CCNC: variants seen among roughly 807,000 people sequenced by gnomAD.
CCNC encodes cyclin-C.
Under a neutral mutation model 50.0 loss-of-function variants are expected in CCNC, and 19 were observed. That is an observed-to-expected ratio of 0.38 (90% CI 0.27 to 0.56). The LOEUF is 0.56. Ranked by LOEUF, CCNC falls within the 20% of genes least tolerant of loss-of-function variation. The pLI is 0.72. For missense variants in CCNC, 200 were observed against 327.1 expected (o/e 0.61, Z 3.00); for synonymous variants, 93 against 103.7 (o/e 0.90, Z 0.63).
chr6:99,545,583 C>A (rs1002599561), intron 10 of CCNC, among the ~76,000 whole-genome samples: 1 of 152,126 alleles, frequency 6.6e-6, no homozygotes, highest in Non-Finnish European at 1.5e-5. Context: ...ACAACTTAAT[C>A]GGGGGTAGTG....
chr6:99,549,578 A>G lies in CCNC; in HGVS notation c.531-3T>C, dbSNP rs1023357043. The G allele has an allele frequency of 5.7e-6, 9 of 1,571,130 alleles. No homozygotes were observed. The Middle Eastern group carries it at 6.8e-4, about 119-fold the overall frequency. ...TGTAGGTATCATTCACTATCCTCCTATAGAAATGTAAATCATATTATTACT... is the reference window on the plus strand; with the variant it reads ...TGTAGGTATCATTCACTATCCTCCTGTAGAAATGTAAATCATATTATTACT... On this transcript the variant is annotated splice_polypyrimidine_tract_variant and splice_region_variant and intron_variant, in intron 8 of 11. Transcript: ENST00000520429.
At chr6:99,552,511 C>A (rs1342318319) in intron 5 of CCNC, among the ~76,000 whole-genome samples, 1 of 151,972 alleles carries the variant, frequency 6.6e-6, no homozygotes, top group African/African-American at 2.4e-5. Context: ...ACTCTATTAT[C>A]TATTACTTTA....
At chr6:99,550,483 G>A (rs539043939) in intron 7 of CCNC, 174 bp from the exon 8 acceptor site, 23 of 548,510 alleles carry the variant, frequency 4.2e-5, no homozygotes, top group Non-Finnish European at 5.5e-5. Context: ...AAACTCTACC[G>A]TAATAGTGAA....
chr6:99,550,339 T>A (rs1802239529), intron 7 of CCNC, 30 bp from the exon 8 acceptor site: 1 of 1,458,572 alleles, frequency 6.9e-7, no homozygotes, highest in African/African-American at 1.4e-5. Flanking sequence ...TGTGTATGTA[T>A]AAAAAACAGA....
intron 7 of CCNC, 60 bp from the exon 8 acceptor site, chr6:99,550,369 G>T: frequency 8.8e-7 from 1 of 1,137,274 alleles, no homozygotes; most frequent in Non-Finnish European, 1.3e-6. Context: ...ACACAAAAAT[G>T]TTATCATTAC....
At chr6:99,546,816 C>T (rs1428199021) in intron 9 of CCNC, among the ~76,000 whole-genome samples, 1 of 152,032 alleles carries the variant, frequency 6.6e-6, no homozygotes, top group Non-Finnish European at 1.5e-5. Flanking sequence ...TAAACTGCAC[C>T]CAGAAGTCAG....
intron 10 of CCNC, among the ~76,000 whole-genome samples, chr6:99,545,657 A>G (rs1270846700): frequency 1.3e-5 from 2 of 152,254 alleles, no homozygotes; most frequent in Admixed American, 6.5e-5. Context: ...ACTGGCAGCT[A>G]CAAATTTGAA....
At position 99,544,384 on chromosome 6, in the gene CCNC, A is replaced by AT. The variant is rs909662989; in HGVS notation, c.797+727dup. 62 of 877,340 alleles carry AT rather than the reference A, an allele frequency of 7.1e-5. No individual in the cohort carries two copies. In the African/African-American group the frequency reaches 9.9e-4, roughly 14 times the overall value. The allele number at this position is 877,340 out of a possible 1,614,324, so 54.3% of individuals were successfully genotyped here. A position where few individuals can be genotyped will look rare whatever the true frequency, so the allele number is the denominator to read the frequency against. ...AACATTAACTTATGAGTAGCAATCC[A>AT]TAAATCTATCTTGTTATATAACAAT... is the stretch of plus-strand genomic sequence containing the variant. On this transcript the variant is annotated intron_variant, in intron 11 of 11. Coordinates refer to ENST00000520429, the MANE Select transcript of CCNC (RefSeq NM_005190.4).
At chr6:99,568,681 C>A (rs776037215), upstream of CCNC, 2 of 1,483,422 alleles carry the variant, frequency 1.3e-6, no homozygotes, top group South Asian at 1.3e-5. Context: ...AGAGGATGGC[C>A]CCCTAGTCTC....
intron 1 of CCNC, among the ~76,000 whole-genome samples, chr6:99,563,677 C>T (rs1471625530): frequency 6.6e-6 from 1 of 152,066 alleles, no homozygotes; most frequent in Non-Finnish European, 1.5e-5. Context: ...TTTCTGATAC[C>T]CTTAAGGGCT....
At chr6:99,563,814 C>T (rs1041404412) in intron 1 of CCNC, among the ~76,000 whole-genome samples, 2 of 152,020 alleles carry the variant, frequency 1.3e-5, no homozygotes, top group Non-Finnish European at 2.9e-5. Context: ...TATCATTATA[C>T]TTGGATCTTC....
intron 1 of CCNC, among the ~76,000 whole-genome samples, chr6:99,564,221 T>G (rs113535515): frequency 0.14 from 21,617 of 152,048 alleles, 1,835 homozygotes; most frequent in Middle Eastern, 0.24. Flanking sequence ...GGTCAGGAGT[T>G]TGAGACCAGC....
At chr6:99,550,017 TG>T (rs1318192980) in intron 8 of CCNC, among the ~76,000 whole-genome samples, 200 bp downstream of exon 8, 1 of 152,186 alleles carries the variant, frequency 6.6e-6, no homozygotes, top group East Asian at 1.9e-4. Context: ...GGTATATTTA[TG>T]GAACAGATAA....
At chr6:99,559,807 C>T (rs1802699582) in intron 4 of CCNC, among the ~76,000 whole-genome samples, 1 of 151,460 alleles carries the variant, frequency 6.6e-6, no homozygotes, top group Non-Finnish European at 1.5e-5. Context: ...GCAACCTCCA[C>T]CTCATGGGTT....
chr6:99,553,292 A>C (rs919839167), intron 5 of CCNC, among the ~76,000 whole-genome samples: 1 of 152,198 alleles, frequency 6.6e-6, no homozygotes, highest in African/African-American at 2.4e-5. Context: ...ATACCAGCAC[A>C]ACAGGTTCTT....
intron 10 of CCNC, 31 bp from the exon 11 acceptor site, chr6:99,545,261 G>A (rs746197698): frequency 2.4e-5 from 29 of 1,184,544 alleles, no homozygotes; most frequent in Non-Finnish European, 3.5e-5. Flanking sequence ...AGTTCTCAGT[G>A]GCAAAAACAA....
chr6:99,549,615 T>C (rs201630779), intron 8 of CCNC, 40 bp from the exon 9 acceptor site: 2 of 1,259,722 alleles, frequency 1.6e-6, no homozygotes, highest in Non-Finnish European at 2.3e-6. Flanking sequence ...AAAGCAGAAC[T>C]ACCTCATCTG....
chr6:99,568,655 G>T lies in CCNC; in HGVS notation c.-128C>A. ...GCTCGGCTCGACTCCGCTCCGCGGC[G>T]GCGACGGCGAAAGGAAGAGGATGGC... On this transcript the variant is annotated 5_prime_UTR_variant, in exon 1 of 12. Transcript: ENST00000520429. The T allele has an allele frequency of 6.6e-7, 1 of 1,525,870 alleles. No individual in the cohort carries two copies. The highest frequency in any genetic ancestry group is 8.8e-7 in the Non-Finnish European group (1 of 1,138,406). The allele number at this position is 1,525,870 out of a possible 1,614,324, so 94.5% of individuals were successfully genotyped here. A position where few individuals can be genotyped will look rare whatever the true frequency, so the allele number is the denominator to read the frequency against.
At chr6:99,548,818 A>G (rs556178302) in intron 9 of CCNC, among the ~76,000 whole-genome samples, 41 of 152,096 alleles carry the variant, frequency 2.7e-4, no homozygotes, top group African/African-American at 9.4e-4. Context: ...AAAAAAAAAA[A>G]AAAAATCAAT....
Sources: gnomAD v4.1 joint callset for allele counts (sites outside exome capture counted in the v4.1 genomes callset) on GRCh38, gnomAD v4.1.1 for gene constraint, MANE v1.5 for transcripts, NCBI Gene and HGNC (gene_info 2026-07-23, HGNC 2026-07-21) for gene names.